The following MGAT5B variants were observed in gnomAD, a reference collection of about 807,000 sequenced individuals.
MGAT5B encodes the protein N-acetylglucosaminyl-transferase Vb.
In MGAT5B, 54 loss-of-function variants were observed where a neutral mutation model predicts 95.1. The observed-to-expected ratio is 0.57, with a 90% CI of 0.46 to 0.71. The LOEUF is 0.71. Among genes scored for constraint, MGAT5B ranks in the 30% least tolerant of loss-of-function variants. MGAT5B has a pLI of 0.00. For synonymous variants in MGAT5B, 464 were observed against 451.0 expected (o/e 1.03, Z -0.36); for missense variants, 935 against 1,088.6 (o/e 0.86, Z 1.99).
In MGAT5B at chr17:76,940,443, C is replaced by G. The variant is rs369442908; in HGVS notation, c.1626C>G (p.Pro542=). The change falls in exon 14 of 18, where the codon CCC becomes CCG. Residue 542 remains proline (P), a synonymous_variant. Transcript: ENST00000569840. The surrounding 1 kb of genome is among the most constrained non-coding windows in gnomAD (Gnocchi z 4.3). ...GCTTCCCCTACGAGGGCCCCGCCCCCCTGGAGGCCATCGCCAATGGTTGCA... is the reference window on the plus strand; with the variant it reads ...GCTTCCCCTACGAGGGCCCCGCCCCGCTGGAGGCCATCGCCAATGGTTGCA... ...GFGFPYEGPA[P]LEAIANGCIF... is the part of the protein sequence containing the mutation. 45 of 1,613,572 alleles carry G rather than the reference C, an allele frequency of 2.8e-5. 1 individual carries two copies. Among genetic ancestry groups the G allele is most frequent in the South Asian group, 2.7e-4 (25 of 90,980 alleles).
intron 9 of MGAT5B, 85 bp from the exon 10 acceptor site, chr17:76,926,512 G>A (rs954214876): frequency 1.2e-5 from 17 of 1,360,842 alleles, no homozygotes; most frequent in Non-Finnish European, 1.6e-5. Context: ...ACTGGCTGGT[G>A]ACAGTGCTCG....
Position 76,914,042 on chromosome 17 carries a change from A to G in MGAT5B, c.1025+7855A>G. ...CTTGAGCCTGGGAAGTCGAGGCTAC[A>G]GTCAGCCGTGATCATGCTACTGCAC... On this transcript the variant is annotated intron_variant, in intron 8 of 17. Transcript: ENST00000569840. The surrounding 1 kb of genome is among the most constrained non-coding windows in gnomAD (Gnocchi z 5.1). The G allele has an allele frequency of 3.2e-6, 1 of 314,708 alleles. No homozygotes were observed. The highest frequency in any genetic ancestry group is 2.8e-5 in the South Asian group (1 of 35,768). 19.5% of individuals were successfully genotyped at this position (314,708 alleles called of 1,614,324 possible). A position where few individuals can be genotyped will look rare whatever the true frequency, so the allele number is the denominator to read the frequency against.
chr17:76,895,830 G>A (rs777001989), intron 3 of MGAT5B, among the ~76,000 whole-genome samples: 2 of 152,096 alleles, frequency 1.3e-5, no homozygotes, highest in Non-Finnish European at 2.9e-5. Flanking sequence ...TTAACCCATG[G>A]CAAAAATTAT....
Position 76,875,996 on chromosome 17 carries a change from G to A in MGAT5B, c.181+3033G>A, listed in dbSNP as rs140193570. On this transcript the variant is annotated intron_variant, in intron 2 of 17. Coordinates refer to ENST00000569840, the MANE Select transcript of MGAT5B (RefSeq NM_001199172.2). Reference sequence around the variant, plus strand: ...GGAGGAGACAGACAAGAAAAGGGCCGCTGAGAACCCAGGAGAGCTGACCCT... The same window carrying A: ...GGAGGAGACAGACAAGAAAAGGGCCACTGAGAACCCAGGAGAGCTGACCCT... 1.5e-4 allele frequency among the ~76,000 whole-genome samples: 23 copies of A among 152,158 alleles called. No individual in the cohort carries two copies. In the East Asian group the frequency reaches 4.3e-3, roughly 28 times the overall value.
At chr17:76,884,663 G>T (rs1967557979) in intron 3 of MGAT5B, among the ~76,000 whole-genome samples, 1 of 151,006 alleles carries the variant, frequency 6.6e-6, no homozygotes, top group Non-Finnish European at 1.5e-5. Context: ...GAGTGCAGTG[G>T]CATGATCTCG....
chr17:76,926,461 A>G, intron 9 of MGAT5B, 136 bp from the exon 10 acceptor site: 1 of 809,708 alleles, frequency 1.2e-6, no homozygotes, highest in East Asian at 2.7e-5. Context: ...GCAGTGTCCT[A>G]GTCCAAGTGC....
At chr17:76,900,827 T>G (rs62084719) in intron 3 of MGAT5B, among the ~76,000 whole-genome samples, 191 of 152,352 alleles carry the variant, frequency 1.3e-3, no homozygotes, top group Non-Finnish European at 2.2e-3. Flanking sequence ...AAGTTTGCCT[T>G]GGGCACTGAA....
At position 76,916,062 on chromosome 17, in the gene MGAT5B, G is replaced by A. The variant is rs529359346; in HGVS notation, c.1026-8904G>A. 2.6e-5 allele frequency among the ~76,000 whole-genome samples: 4 copies of A among 151,468 alleles called. No individual in the cohort carries two copies. In the South Asian group the frequency reaches 6.2e-4, roughly 24 times the overall value. Reference sequence around the variant, plus strand: ...CACGTTGAGTGCCGCCAAATGTCGTGGGCCTCTGCTGCTGGGGCCTGGGGC... The same window carrying A: ...CACGTTGAGTGCCGCCAAATGTCGTAGGCCTCTGCTGCTGGGGCCTGGGGC... On this transcript the variant is annotated intron_variant, in intron 8 of 17. Transcript: ENST00000569840. The surrounding 1 kb of genome is among the most constrained non-coding windows in gnomAD (Gnocchi z 5.3).
At chr17:76,948,494 G>A (rs1245985904) in intron 17 of MGAT5B, 146 bp from the exon 18 acceptor site, 8 of 907,912 alleles carry the variant, frequency 8.8e-6, no homozygotes, top group South Asian at 8.7e-5. Context: ...TAAAGGAGCC[G>A]TAACACATTT....
intron 3 of MGAT5B, among the ~76,000 whole-genome samples, chr17:76,886,470 C>T (rs529756129): frequency 3.3e-5 from 5 of 152,180 alleles, no homozygotes; most frequent in South Asian, 2.1e-4. Context: ...TTCCTTGTAC[C>T]GTGAGGGTCC....
At chr17:76,871,325 A>T (rs1967001383) in intron 1 of MGAT5B, among the ~76,000 whole-genome samples, 1 of 152,148 alleles carries the variant, frequency 6.6e-6, no homozygotes, top group South Asian at 2.1e-4. Flanking sequence ...GCTTGGTGGA[A>T]TTCCGTGAGG....
At chr17:76,899,601 C>A (rs1230959957) in intron 3 of MGAT5B, among the ~76,000 whole-genome samples, 1 of 152,190 alleles carries the variant, frequency 6.6e-6, no homozygotes, top group Non-Finnish European at 1.5e-5. Context: ...TGCGCCACTG[C>A]ACTCCAGCCT....
Position 76,914,605 on chromosome 17 carries a change from C to T in MGAT5B, c.1025+8418C>T, listed in dbSNP as rs895274037. ...TCTCCCTACGTCCACATCTCTTCCT[C>T]CCTCCATGCATGACTCTGTGTCCAC... On this transcript the variant is annotated intron_variant, in intron 8 of 17. Coordinates refer to ENST00000569840, the MANE Select transcript of MGAT5B (RefSeq NM_001199172.2). This position sits in a 1 kb window ranked among gnomAD's most constrained non-coding sequence, Gnocchi z 5.1. Among the ~76,000 whole-genome samples the T allele has an allele frequency of 5.3e-5, 8 of 151,994 alleles. No homozygotes were observed. The highest frequency in any genetic ancestry group is 1.7e-4 in the African/African-American group (7 of 41,452).
chr17:76,932,345 G>C (rs1398247780), intron 10 of MGAT5B, among the ~76,000 whole-genome samples: 1 of 151,982 alleles, frequency 6.6e-6, no homozygotes, highest in African/African-American at 2.4e-5. Flanking sequence ...TGTTGCCCAG[G>C]GTGGTCTCAA....
At chr17:76,881,662 G>T (rs1334474507) in intron 2 of MGAT5B, among the ~76,000 whole-genome samples, 1 of 152,210 alleles carries the variant, frequency 6.6e-6, no homozygotes, top group Non-Finnish European at 1.5e-5. Context: ...TAACAGCCTG[G>T]CCAGAAGATT....
Position 76,873,053 on chromosome 17 carries a change from CTTT to C in MGAT5B, c.181+91_181+93del, listed in dbSNP as rs1424151540. On this transcript the variant is annotated intron_variant, in intron 2 of 17. Transcript: ENST00000569840. ...CCTCTGAGCCTAGCCCTGTACCTGG[CTTT>C]CTGGCCGCCCTGTAGGTGGATGTGA... The C allele has an allele frequency of 1.8e-5, 26 of 1,437,994 alleles. No individual in the cohort carries two copies. In the East Asian group the frequency reaches 5.9e-4, roughly 33 times the overall value. 89.1% of individuals were successfully genotyped at this position (1,437,994 alleles called of 1,614,324 possible).
rs1310019618 is a variant in MGAT5B at position 76,870,557 on chromosome 17, A to T, written c.68+1460A>T. Among the ~76,000 whole-genome samples, 1 of 152,174 alleles carries T rather than the reference A, an allele frequency of 6.6e-6. No homozygotes were observed. The highest frequency in any genetic ancestry group is 1.5e-5 in the Non-Finnish European group (1 of 68,006). On this transcript the variant is annotated intron_variant, in intron 1 of 17. Coordinates refer to ENST00000569840, the MANE Select transcript of MGAT5B (RefSeq NM_001199172.2). This position sits in a 1 kb window ranked among gnomAD's most constrained non-coding sequence, Gnocchi z 5.0. ...TTGGAAGCAGCCGCGAGACCCCAGC[A>T]CCACGGACAGTGCTCGCGACCCAGG...
intron 3 of MGAT5B, among the ~76,000 whole-genome samples, chr17:76,888,709 CTT>C (rs1386708997): frequency 6.6e-6 from 1 of 152,124 alleles, no homozygotes; most frequent in Non-Finnish European, 1.5e-5. Flanking sequence ...TCAGGGGCCT[CTT>C]TGAGGGACCA....
rs1970168035 is a variant in MGAT5B, at chr17:76,950,359, AAT to A, written c.*1524_*1525del. 1 of 152,532 alleles carries A rather than the reference AAT, an allele frequency of 6.6e-6. No individual in the cohort carries two copies. Among genetic ancestry groups the A allele is most frequent in the Non-Finnish European group, 1.5e-5 (1 of 68,034 alleles). The allele number at this position is 152,532 out of a possible 1,614,324, so 9.4% of individuals were successfully genotyped here. On this transcript the variant is annotated 3_prime_UTR_variant, in exon 18 of 18. Transcript: ENST00000569840. ...TAAAGATTTATTTCTTGAAATAATA[AAT>A]ATTTTATTGGGATGTGAGGTGCAGA...
Sources: gnomAD v4.1 joint callset for allele counts (sites outside exome capture counted in the v4.1 genomes callset) on GRCh38, gnomAD v4.1.1 for gene constraint, Gnocchi (gnomAD v3.1) non-coding constraint, MANE v1.5 for transcripts, NCBI Gene and HGNC (gene_info 2026-07-23, HGNC 2026-07-21) for gene names.